Variants in PTPRT observed in about 807,000 individuals in gnomAD.
PTPRT encodes the protein receptor-type tyrosine-protein phosphatase T.
In PTPRT, 56 loss-of-function variants were observed where a neutral mutation model predicts 176.8. That is an observed-to-expected ratio of 0.32 (90% CI 0.26 to 0.40). The LOEUF is 0.40. PTPRT is among the 10% of genes least tolerant of loss of function. The pLI, the probability that PTPRT is intolerant of heterozygous loss-of-function variation, is 1.00. For missense variants in PTPRT, 1,540 were observed against 1,908.2 expected (o/e 0.81, Z 3.60); for synonymous variants, 783 against 739.0 (o/e 1.06, Z -0.96).
intron 1 of PTPRT, among the ~76,000 whole-genome samples, chr20:43,177,385 G>C (rs2015146626): frequency 6.6e-6 from 1 of 152,172 alleles, no homozygotes; most frequent in Admixed American, 6.5e-5. Flanking sequence ...AGGATCTCCA[G>C]AAAAGATGAA....
chr20:42,407,618 C>T (rs759445148), intron 9 of PTPRT, among the ~76,000 whole-genome samples: 2 of 152,134 alleles, frequency 1.3e-5, no homozygotes, highest in African/African-American at 2.4e-5. Flanking sequence ...GACAGGTATG[C>T]TTACCATCTC....
At chr20:42,931,432 C>T (rs772042867) in intron 1 of PTPRT, among the ~76,000 whole-genome samples, 8 of 152,174 alleles carry the variant, frequency 5.3e-5, no homozygotes, top group Non-Finnish European at 1.0e-4. Flanking sequence ...AAATAAATGC[C>T]TGTTGTTTAA....
At chr20:42,934,197 G>C (rs1980035843) in intron 1 of PTPRT, among the ~76,000 whole-genome samples, 1 of 152,284 alleles carries the variant, frequency 6.6e-6, no homozygotes, top group Admixed American at 6.5e-5. Context: ...GCCTGGAGGT[G>C]TGTCAAATTG....
At chr20:42,279,067 T>C (rs937809479) in intron 13 of PTPRT, among the ~76,000 whole-genome samples, 2 of 152,154 alleles carry the variant, frequency 1.3e-5, no homozygotes, top group East Asian at 1.9e-4. Flanking sequence ...CTTTCTATTG[T>C]CTTCCTTTCA....
At chr20:42,291,348 AC>A (rs1172579667) in intron 12 of PTPRT, among the ~76,000 whole-genome samples, 2 of 152,342 alleles carry the variant, frequency 1.3e-5, no homozygotes, top group Admixed American at 1.3e-4. Flanking sequence ...CTGGGGAGAG[AC>A]AAACATTAGA....
chr20:43,045,490 G>A (rs1182075816), intron 1 of PTPRT, among the ~76,000 whole-genome samples: 2 of 124,144 alleles, frequency 1.6e-5, no homozygotes, highest in African/African-American at 6.7e-5. Flanking sequence ...GTCTCGCTCT[G>A]TCACCTAGGC....
intron 1 of PTPRT, among the ~76,000 whole-genome samples, chr20:43,150,019 T>C (rs2014298005): frequency 6.6e-6 from 1 of 152,214 alleles, no homozygotes; most frequent in African/African-American, 2.4e-5. Flanking sequence ...GACTAGTGAC[T>C]CACACTGAGG....
chr20:42,563,102 T>C (rs2072979788), intron 7 of PTPRT, among the ~76,000 whole-genome samples: 1 of 151,968 alleles, frequency 6.6e-6, no homozygotes, highest in African/African-American at 2.4e-5. Flanking sequence ...AGAAGACAAA[T>C]CTGTTAAAAA....
chr20:42,481,217 T>C (rs2071378744), intron 7 of PTPRT, among the ~76,000 whole-genome samples: 1 of 152,156 alleles, frequency 6.6e-6, no homozygotes, highest in African/African-American at 2.4e-5. Context: ...CCTTAGGCTA[T>C]AGCATGCTTA....
intron 18 of PTPRT, among the ~76,000 whole-genome samples, chr20:42,129,910 A>C (rs774985121): frequency 9.2e-5 from 14 of 152,230 alleles, no homozygotes; most frequent in Non-Finnish European, 1.8e-4. Context: ...GACATACAGC[A>C]GGTACTCAGT....
At chr20:43,175,055 T>C (rs1032382793) in intron 1 of PTPRT, among the ~76,000 whole-genome samples, 7 of 152,238 alleles carry the variant, frequency 4.6e-5, no homozygotes, top group African/African-American at 1.7e-4. Context: ...GCAACATTAT[T>C]CTTTGAGTCA....
At chr20:42,445,497 T>C (rs924770448) in intron 9 of PTPRT, among the ~76,000 whole-genome samples, 1 of 152,186 alleles carries the variant, frequency 6.6e-6, no homozygotes, top group Non-Finnish European at 1.5e-5. Context: ...CTTATTTTCT[T>C]AGGCCTCACT....
At chr20:42,689,178 C>T (rs1240311159) in intron 6 of PTPRT, among the ~76,000 whole-genome samples, 1 of 152,226 alleles carries the variant, frequency 6.6e-6, no homozygotes, top group Admixed American at 6.5e-5. Context: ...TACCTCCAAT[C>T]CTGTCCCCAT....
intron 4 of PTPRT, among the ~76,000 whole-genome samples, chr20:42,777,367 T>C (rs1210472269): frequency 6.6e-6 from 1 of 152,146 alleles, no homozygotes; most frequent in African/African-American, 2.4e-5. Flanking sequence ...CTATCTCCTC[T>C]GTCTGAAGCA....
chr20:42,413,790 G>A (rs1204477383), intron 9 of PTPRT, among the ~76,000 whole-genome samples: 1 of 152,076 alleles, frequency 6.6e-6, no homozygotes, highest in Non-Finnish European at 1.5e-5. Context: ...TAGCCTTCTT[G>A]AACTATCTTT....
At chr20:42,428,440 G>A (rs1375503086) in intron 9 of PTPRT, among the ~76,000 whole-genome samples, 1 of 152,218 alleles carries the variant, frequency 6.6e-6, no homozygotes, top group African/African-American at 2.4e-5. Context: ...CTGTGCAGAT[G>A]TAAGAGACGA....
At chr20:42,992,037 T>C (rs1386174068) in intron 1 of PTPRT, among the ~76,000 whole-genome samples, 1 of 152,312 alleles carries the variant, frequency 6.6e-6, no homozygotes, top group East Asian at 1.9e-4. Flanking sequence ...CAAAGTACTA[T>C]GTGTGACATA....
intron 9 of PTPRT, among the ~76,000 whole-genome samples, chr20:42,381,315 A>G (rs1367995742): frequency 6.6e-6 from 1 of 152,146 alleles, no homozygotes; most frequent in Non-Finnish European, 1.5e-5. Flanking sequence ...CGTGAGCAGA[A>G]GTGACCTGTT....
rs545048313 is a variant in PTPRT, at chr20:42,846,647, T to G, written c.214+39160A>C. The stretch of plus-strand genomic sequence containing the variant: ...AAAGTTTTAATTTAAGTGAATGAGT[T>G]GCAAGCCCAGCTGTCTGGGGAATGA... On this transcript the variant is annotated intron_variant, in intron 2 of 30. Transcript: ENST00000373187. Among the ~76,000 whole-genome samples, 5 of 152,294 alleles carry G rather than the reference T, an allele frequency of 3.3e-5. No individual in the cohort carries two copies. In the South Asian group the frequency reaches 1.0e-3, roughly 32 times the overall value.
Sources: allele counts gnomAD v4.1 joint callset (sites outside exome capture counted in the v4.1 genomes callset), GRCh38; gene constraint gnomAD v4.1.1; transcripts MANE v1.5; gene names NCBI Gene and HGNC (gene_info 2026-07-23, HGNC 2026-07-21).